The following RBFOX1 variants were observed in gnomAD, a reference collection of about 807,000 sequenced individuals.
RBFOX1 encodes the protein RNA binding protein fox-1 homolog 1.
RBFOX1 carries 8 observed loss-of-function variants against 57.7 expected under a neutral mutation model. The ratio of observed to expected loss-of-function variants is 0.14; its 90% confidence interval spans 0.08 to 0.25. RBFOX1 has a LOEUF of 0.25. RBFOX1 is among the 10% of genes least tolerant of loss of function. RBFOX1 has a pLI of 1.00. For missense variants in RBFOX1, 611 were observed against 548.5 expected (o/e 1.11, Z -1.14); for synonymous variants, 326 against 222.4 (o/e 1.47, Z -4.15).
chr16:5,912,868 A>G (rs764375375), intron 4 of RBFOX1, among the ~76,000 whole-genome samples: 2 of 152,216 alleles, frequency 1.3e-5, no homozygotes, highest in African/African-American at 4.8e-5. Flanking sequence ...GGATGGGTCC[A>G]TGGGGAGAGT....
At chr16:6,667,274 G>C (rs776599148) in intron 3 of RBFOX1, among the ~76,000 whole-genome samples, 1 of 152,140 alleles carries the variant, frequency 6.6e-6, no homozygotes, top group Non-Finnish European at 1.5e-5. Flanking sequence ...CCCAGAGAGT[G>C]TAATGAAAAG....
intron 2 of RBFOX1, among the ~76,000 whole-genome samples, chr16:6,649,007 C>T (rs1347254103): frequency 2.0e-5 from 3 of 152,070 alleles, no homozygotes; most frequent in South Asian, 4.1e-4. Flanking sequence ...AAGATTACAA[C>T]ATGTTGTGAA....
rs139695333 is a variant in RBFOX1, at chr16:5,319,681, G to A, written c.219+79576G>A. Among the ~76,000 whole-genome samples, 523 of 152,308 alleles carry A rather than the reference G, an allele frequency of 3.4e-3. 5 individuals are homozygous for A. Among genetic ancestry groups the A allele is most frequent in the African/African-American group, 0.012 (499 of 41,554 alleles). On this transcript the variant is annotated intron_variant, in intron 1 of 2. Transcript: ENST00000585867. ...GTTCAAAGACAGACTTATTTTATTAGATAGGGAAAGTCACACTAGAGGCTG... is the reference window on the plus strand; with the variant it reads ...GTTCAAAGACAGACTTATTTTATTAAATAGGGAAAGTCACACTAGAGGCTG...
At chr16:5,913,993 C>T (rs1051885379) in intron 4 of RBFOX1, among the ~76,000 whole-genome samples, 1 of 152,218 alleles carries the variant, frequency 6.6e-6, no homozygotes, top group Non-Finnish European at 1.5e-5. Context: ...TTCCTTAGAG[C>T]CATCCAACTT....
chr16:6,699,527 G>T (rs967867891), intron 3 of RBFOX1, among the ~76,000 whole-genome samples: 1 of 152,104 alleles, frequency 6.6e-6, no homozygotes, highest in Non-Finnish European at 1.5e-5. Flanking sequence ...ACCTATCAAC[G>T]CTGACTGGTT....
chr16:6,715,042 C>T lies in RBFOX1; in HGVS notation c.-16+60392C>T, dbSNP rs571700529. Among the ~76,000 whole-genome samples, 242 of 152,176 alleles carry T rather than the reference C, an allele frequency of 1.6e-3. 3 individuals are homozygous for T. The highest frequency in any genetic ancestry group is 0.01 in the South Asian group (50 of 4,822). On this transcript the variant is annotated intron_variant, in intron 3 of 15. Coordinates refer to ENST00000550418, the MANE Select transcript of RBFOX1 (RefSeq NM_018723.4). Reference sequence around the variant, plus strand: ...GAAGGAGGGGTAACTGCAGAGAAATCCATATTTGGGATTAGTTTTGTTCCT... The same window carrying T: ...GAAGGAGGGGTAACTGCAGAGAAATTCATATTTGGGATTAGTTTTGTTCCT...
intron 1 of RBFOX1, among the ~76,000 whole-genome samples, chr16:5,293,644 T>C (rs2063588779): frequency 6.6e-6 from 1 of 152,196 alleles, no homozygotes; most frequent in South Asian, 2.1e-4. Context: ...TGGTGATTGC[T>C]ACCTTTTGGT....
chr16:5,721,524 A>G (rs1350893355), intron 3 of RBFOX1, among the ~76,000 whole-genome samples: 5 of 152,124 alleles, frequency 3.3e-5, no homozygotes, highest in Non-Finnish European at 7.3e-5. Flanking sequence ...AGATGACAGT[A>G]CCCACCTTTG....
intron 4 of RBFOX1, among the ~76,000 whole-genome samples, chr16:7,301,256 C>T (rs936448125): frequency 3.9e-5 from 6 of 152,138 alleles, no homozygotes; most frequent in Non-Finnish European, 8.8e-5. Flanking sequence ...CTCTGGGCTC[C>T]TTAATATAGT....
rs151279864 is a variant in RBFOX1, at chr16:7,419,286, C to T, written c.28-98861C>T. 1.6e-4 allele frequency among the ~76,000 whole-genome samples: 25 copies of T among 152,250 alleles called. No homozygotes were observed. In the East Asian group the frequency reaches 3.1e-3, roughly 19 times the overall value. On this transcript the variant is annotated intron_variant, in intron 4 of 15. Transcript: ENST00000550418. ...CCTTGTCCCTTTACCTGTTGTTCCTCTTCAATCATTGCAACAGTGACACTC... is the reference window on the plus strand; with the variant it reads ...CCTTGTCCCTTTACCTGTTGTTCCTTTTCAATCATTGCAACAGTGACACTC...
chr16:5,976,685 A>G (rs560473136), intron 4 of RBFOX1, among the ~76,000 whole-genome samples: 3 of 152,292 alleles, frequency 2.0e-5, no homozygotes, highest in South Asian at 2.1e-4. Flanking sequence ...CCTGGCCAAT[A>G]TGGTGAAACC....
intron 4 of RBFOX1, among the ~76,000 whole-genome samples, chr16:7,160,469 C>T (rs766696224): frequency 1.4e-4 from 21 of 152,138 alleles, no homozygotes; most frequent in East Asian, 3.9e-4. Context: ...AAATGTGTAA[C>T]GTGCAGCATG....
intron 3 of RBFOX1, among the ~76,000 whole-genome samples, chr16:7,043,515 G>C (rs1370995668): frequency 6.6e-6 from 1 of 152,164 alleles, no homozygotes; most frequent in Admixed American, 6.5e-5. Flanking sequence ...ATAGGAAAAT[G>C]CCATCTTGTT....
chr16:6,251,047 T>C (rs918047169), intron 1 of RBFOX1, among the ~76,000 whole-genome samples: 6 of 152,058 alleles, frequency 3.9e-5, no homozygotes, highest in African/African-American at 1.4e-4. Flanking sequence ...ATGGAAGCGG[T>C]GAAGTTTGCA....
intron 2 of RBFOX1, among the ~76,000 whole-genome samples, chr16:6,641,533 A>G (rs995668735): frequency 6.6e-6 from 1 of 151,876 alleles, no homozygotes; most frequent in African/African-American, 2.4e-5. Flanking sequence ...CCAGGAGTTT[A>G]AGACAAGACC....
At chr16:7,702,643 C>G (rs1234851315) in intron 14 of RBFOX1, among the ~76,000 whole-genome samples, 1 of 152,182 alleles carries the variant, frequency 6.6e-6, no homozygotes, top group African/African-American at 2.4e-5. Flanking sequence ...TGGTCTTGTT[C>G]TTTCTTTTCC....
chr16:6,914,878 A>G (rs1055797545), intron 3 of RBFOX1, among the ~76,000 whole-genome samples: 2 of 152,190 alleles, frequency 1.3e-5, no homozygotes, highest in South Asian at 2.1e-4. Context: ...ACAGAGCAAG[A>G]CCCTCTCAAA....
At chr16:6,215,862 C>G (rs1040936702) in intron 1 of RBFOX1, among the ~76,000 whole-genome samples, 4 of 152,144 alleles carry the variant, frequency 2.6e-5, no homozygotes, top group Non-Finnish European at 5.9e-5. Context: ...TATGAATCAA[C>G]TCGCCACATG....
chr16:7,222,681 C>T (rs539427538), intron 4 of RBFOX1, among the ~76,000 whole-genome samples: 4 of 152,264 alleles, frequency 2.6e-5, no homozygotes, highest in African/African-American at 7.2e-5. Flanking sequence ...ATAAGGTTGT[C>T]GTGCAAATTA....
Sources: gnomAD v4.1 joint callset for allele counts (sites outside exome capture counted in the v4.1 genomes callset) on GRCh38, gnomAD v4.1.1 for gene constraint, MANE v1.5 for transcripts, NCBI Gene and HGNC (gene_info 2026-07-23, HGNC 2026-07-21) for gene names.